The following DNAH5 variants were observed in gnomAD, a reference collection of about 807,000 sequenced individuals.
DNAH5 encodes the protein axonemal beta dynein heavy chain 5.
A neutral mutation model predicts 518.2 loss-of-function variants in DNAH5; 372 were observed. That is an observed-to-expected ratio of 0.72 (90% CI 0.66 to 0.78). The LOEUF is 0.78. DNAH5 is among the 30% of genes least tolerant of loss of function. DNAH5 has a pLI of 0.00. For synonymous variants in DNAH5, 2,039 were observed against 2,025.9 expected, an observed-to-expected ratio of 1.01 and a Z score of -0.17; for missense variants, 5,523 against 5,687.0, an observed-to-expected ratio of 0.97 and a Z score of 0.93.
chr5:14,002,795 T>C (rs1581155138), intron 1 of DNAH5, among the ~76,000 whole-genome samples: 2 of 151,940 alleles, frequency 1.3e-5, no homozygotes, highest in Non-Finnish European at 2.9e-5. Context: ...AGGGTCTACT[T>C]CTTGATATAA....
In DNAH5 at chr5:13,885,320, T is replaced by C. The variant is rs796181324; in HGVS notation, c.2744-92A>G. The C allele has an allele frequency of 4.7e-6, 7 of 1,475,788 alleles. No homozygotes were observed. The African/African-American group carries it at 8.3e-5, about 18-fold the overall frequency. The allele number at this position is 1,475,788 out of a possible 1,614,324, so 91.4% of individuals were successfully genotyped here. A position where few individuals can be genotyped will look rare whatever the true frequency, so the allele number is the denominator to read the frequency against. ...AGATAGACAGATAGATAGAATCATC[T>C]GTTGCAATTAAAGGATAAATTACAT... On this transcript the variant is annotated intron_variant, in intron 18 of 78. Coordinates refer to ENST00000265104, the MANE Select transcript of DNAH5 (RefSeq NM_001369.3).
chr5:13,738,255 TAA>T (rs34282093), intron 65 of DNAH5, among the ~76,000 whole-genome samples: 29,357 of 151,702 alleles, frequency 0.19, 3,806 homozygotes, highest in African/African-American at 0.35. Context: ...ATTATATATA[TAA>T]AATCTTCTTT....
At position 13,990,422 on chromosome 5, in the gene DNAH5, G is replaced by T. The variant is rs188776219; in HGVS notation, c.12+21226C>A. 2.6e-5 allele frequency among the ~76,000 whole-genome samples: 4 copies of T among 151,880 alleles called. 1 individual carries two copies. In the South Asian group the frequency reaches 8.3e-4, roughly 32 times the overall value. On this transcript the variant is annotated intron_variant, in intron 1 of 78. Transcript: ENST00000681290. ...GAAAAAATTAGCTGGGCGTGGTGGC[G>T]GGCGCCTATAGTCCCAGCTACTCGG...
intron 44 of DNAH5, among the ~76,000 whole-genome samples, chr5:13,811,323 TA>T (rs1289506927): frequency 6.6e-6 from 1 of 152,348 alleles, no homozygotes; most frequent in East Asian, 1.9e-4. Context: ...GTATACCTAC[TA>T]TGTACCCACA....
rs549787690 is a variant in DNAH5, at chr5:13,729,659, A to G, written c.11762-99T>C. ...TTATTTTAATTTCAGTTATTTTACT[A>G]CTTTCACTTTTTTAAGCACAGAAAT... On this transcript the variant is annotated intron_variant, in intron 68 of 78. Transcript: ENST00000265104. 121 of 1,102,280 alleles carry G rather than the reference A, an allele frequency of 1.1e-4. 1 individual carries two copies. The highest frequency in any genetic ancestry group is 2.8e-4 in the South Asian group (18 of 63,526). 68.3% of individuals were successfully genotyped at this position (1,102,280 alleles called of 1,614,324 possible). A position where few individuals can be genotyped will look rare whatever the true frequency, so the allele number is the denominator to read the frequency against.
Position 13,882,464 on chromosome 5 carries a change from C to G in DNAH5, c.3262+264G>C, listed in dbSNP as rs532495639. ...AACAGTGCATTAAAAGATCATTCAT[C>G]ATGATTAAGTGAAATTTATCCCCTG... On this transcript the variant is annotated intron_variant, in intron 21 of 78. Transcript: ENST00000265104. Among the ~76,000 whole-genome samples, 114 of 152,078 alleles carry G rather than the reference C, an allele frequency of 7.5e-4. 1 individual carries two copies. Among genetic ancestry groups the G allele is most frequent in the Admixed American group, 7.4e-3 (113 of 15,286 alleles).
chr5:13,866,702 T>C (rs1271197442), intron 25 of DNAH5, among the ~76,000 whole-genome samples: 3 of 152,204 alleles, frequency 2.0e-5, no homozygotes, highest in Non-Finnish European at 2.9e-5. Context: ...TTTCCAACAT[T>C]AGAAAATCTT....
At chr5:13,998,777 G>A (rs572072681) in intron 1 of DNAH5, among the ~76,000 whole-genome samples, 1 of 152,322 alleles carries the variant, frequency 6.6e-6, no homozygotes, top group South Asian at 2.1e-4. Flanking sequence ...TCTAGTGAGG[G>A]AGCTAGTGGG....
At chr5:13,913,610 A>T (rs1224794344) in intron 11 of DNAH5, 133 bp downstream of exon 11, 1 of 1,069,714 alleles carries the variant, frequency 9.3e-7, no homozygotes, top group Non-Finnish European at 1.3e-6. Flanking sequence ...CTTTATTGTT[A>T]AAAGGCCATG....
chr5:13,874,266 G>T (rs987687981), intron 22 of DNAH5, among the ~76,000 whole-genome samples: 4 of 152,136 alleles, frequency 2.6e-5, no homozygotes, highest in Non-Finnish European at 4.4e-5. Context: ...TCCCAGAAAT[G>T]GATAGAAGTT....
At chr5:13,703,919 G>A (rs1742449658) in intron 76 of DNAH5, among the ~76,000 whole-genome samples, 1 of 152,158 alleles carries the variant, frequency 6.6e-6, no homozygotes, top group Non-Finnish European at 1.5e-5. Context: ...AGTGGCATGG[G>A]TCACTTCCTA....
chr5:13,830,270 AAAAAGGATAT>A, intron 36 of DNAH5, 57 bp from the exon 37 acceptor site: 1 of 1,492,302 alleles, frequency 6.7e-7, no homozygotes, highest in South Asian at 1.2e-5. Context: ...GAAAACCAAG[AAAAAGGATAT>A]TATGTAGCTG....
chr5:13,867,726 G>GT, intron 25 of DNAH5, 48 bp downstream of exon 25: 1 of 1,379,162 alleles, frequency 7.3e-7, no homozygotes, highest in Non-Finnish European at 1.0e-6. Flanking sequence ...TTTGCATGTT[G>GT]TATTCACTCA....
At chr5:13,830,796 C>G in intron 35 of DNAH5, 21 bp from the exon 36 acceptor site, 1 of 1,613,500 alleles carries the variant, frequency 6.2e-7, no homozygotes, top group Non-Finnish European at 8.5e-7. Context: ...AGAAACATCA[C>G]TAGAACCAGC....
intron 43 of DNAH5, among the ~76,000 whole-genome samples, chr5:13,812,471 A>G (rs924177577): frequency 1.3e-5 from 2 of 152,050 alleles, no homozygotes; most frequent in African/African-American, 4.8e-5. Flanking sequence ...ACACCCAGCT[A>G]ATTTTTGTAA....
intron 70 of DNAH5, among the ~76,000 whole-genome samples, chr5:13,722,525 CAT>C (rs33994278): frequency 0.4 from 60,533 of 151,968 alleles, 12,129 homozygotes; most frequent in South Asian, 0.45. Flanking sequence ...ATGGGTGCCA[CAT>C]GAGTCTAGAC....
chr5:13,935,026 T>C lies in DNAH5; in HGVS notation c.58-3782A>G, dbSNP rs145845301. ...ACTCTAAGTTTGTGCTAAATATCTT[T>C]AGCAGCTTGAGAACTCAGAGGTCAA... On this transcript the variant is annotated intron_variant, in intron 1 of 78. Transcript: ENST00000265104. 6.0e-4 allele frequency among the ~76,000 whole-genome samples: 91 copies of C among 152,320 alleles called. 2 individuals are homozygous for C. The South Asian group carries it at 0.015, about 25-fold the overall frequency.
chr5:13,816,904 A>T (rs1398382967), intron 42 of DNAH5, among the ~76,000 whole-genome samples: 2 of 152,114 alleles, frequency 1.3e-5, no homozygotes, highest in African/African-American at 4.8e-5. Flanking sequence ...CTGCTCACTC[A>T]GGAGTGAGGA....
At position 13,917,211 on chromosome 5, in the gene DNAH5, C is replaced by T; in HGVS notation, c.1021G>A (p.Ala341Thr). 2 of 1,613,990 alleles carry T rather than the reference C, an allele frequency of 1.2e-6. No individual in the cohort carries two copies. Among genetic ancestry groups the T allele is most frequent in the Middle Eastern group, 1.6e-4 (1 of 6,062 alleles). The change falls in exon 8 of 79, where the codon GCA (alanine) becomes ACA (threonine). Residue 341 changes from alanine (A) to threonine (T), a missense_variant. Physicochemically the swap from Ala to Thr is moderately conservative, Grantham distance 58. Coordinates refer to ENST00000265104, the MANE Select transcript of DNAH5 (RefSeq NM_001369.3). ...DIRITDATNE[A>T]KDNVKYLYTL... ...TACAAGTATTTCACATTGTCCTTTG[C>T]TTCATTAGTTGCATCAGTGATTCGA... is the stretch of plus-strand genomic sequence containing the variant.
Sources: allele counts gnomAD v4.1 joint callset (sites outside exome capture counted in the v4.1 genomes callset), GRCh38; gene constraint gnomAD v4.1.1; transcripts MANE v1.5; gene names NCBI Gene and HGNC (gene_info 2026-07-23, HGNC 2026-07-21).